The following HTR4 variants were observed in gnomAD, a reference collection of about 807,000 sequenced individuals.
The protein encoded by HTR4 is 5-hydroxytryptamine (serotonin) receptor 4, G protein-coupled.
A neutral mutation model predicts 36.8 loss-of-function variants in HTR4; 16 were observed. That is an observed-to-expected ratio of 0.43 (90% CI 0.29 to 0.66). HTR4 has a LOEUF of 0.66. Ranked by LOEUF, HTR4 falls within the 30% of genes least tolerant of loss-of-function variation. The pLI, the probability that HTR4 is intolerant of heterozygous loss-of-function variation, is 0.13. For synonymous variants in HTR4, 189 were observed against 185.1 expected (o/e 1.02, Z -0.17); for missense variants, 438 against 490.9 (o/e 0.89, Z 1.02).
chr5:148,584,223 G>C (rs1761258617), intron 2 of HTR4, among the ~76,000 whole-genome samples: 1 of 151,994 alleles, frequency 6.6e-6, no homozygotes, highest in Non-Finnish European at 1.5e-5. Flanking sequence ...AGAGATTTTA[G>C]ACTTTATCTA....
At chr5:148,585,699 C>G (rs146394659) in intron 2 of HTR4, among the ~76,000 whole-genome samples, 265 of 152,268 alleles carry the variant, frequency 1.7e-3, no homozygotes, top group African/African-American at 6.0e-3. Flanking sequence ...AAATTCAAGC[C>G]TCTTGACTCC....
chr5:148,640,024 C>T (rs6880544), intron 1 of HTR4, among the ~76,000 whole-genome samples: 64,330 of 151,936 alleles, frequency 0.42, 13,829 homozygotes, highest in East Asian at 0.54. Context: ...CAACCTCCAT[C>T]CTATAGATGA....
chr5:148,461,873 C>T (rs1213607911), intron 5 of HTR4: 1 of 151,964 alleles, frequency 6.6e-6, no homozygotes, highest in Non-Finnish European at 1.5e-5. Flanking sequence ...TAAAACTTAC[C>T]TTAACAAATG....
At chr5:148,560,201 T>TG in intron 2 of HTR4, among the ~76,000 whole-genome samples, 1 of 106,996 alleles carries the variant, frequency 9.3e-6, no homozygotes, top group East Asian at 2.9e-4. Flanking sequence ...GAAAGCTTTT[T>TG]TTTTAAAAAA....
downstream of HTR4, among the ~76,000 whole-genome samples, chr5:148,474,759 T>C (rs868592454): frequency 6.6e-6 from 1 of 152,176 alleles, no homozygotes; most frequent in Non-Finnish European, 1.5e-5. Flanking sequence ...TCTAGGTTTG[T>C]AGCCTGGCTC....
At chr5:148,513,523 A>G (rs1441875245) in intron 5 of HTR4, among the ~76,000 whole-genome samples, 1 of 152,162 alleles carries the variant, frequency 6.6e-6, no homozygotes, top group Admixed American at 6.5e-5. Flanking sequence ...GTACTGCTTT[A>G]ACTTCTATAA....
chr5:148,572,442 A>G (rs777064048), intron 2 of HTR4, among the ~76,000 whole-genome samples: 5 of 152,132 alleles, frequency 3.3e-5, no homozygotes, highest in Non-Finnish European at 7.4e-5. Context: ...AGACAAATGT[A>G]ATAATATTTT....
chr5:148,551,568 C>G (rs959038278), intron 2 of HTR4, among the ~76,000 whole-genome samples: 9 of 152,064 alleles, frequency 5.9e-5, no homozygotes, highest in Non-Finnish European at 1.3e-4. Flanking sequence ...TATTCAGAAG[C>G]TATAGGGATT....
In HTR4 at chr5:148,482,010, G is replaced by T; in HGVS notation, c.*1193C>A. ...TTAGAAACAGAAAGAAAACTTAAAG[G>T]TCCTCTAGTCCAAGCTTGAGTGCAC... On this transcript the variant is annotated 3_prime_UTR_variant, in exon 7 of 7. Coordinates refer to ENST00000377888, the MANE Select transcript of HTR4 (RefSeq NM_000870.7). The T allele has an allele frequency of 1.0e-6, 1 of 997,428 alleles. No homozygotes were observed. The allele number at this position is 997,428 out of a possible 1,614,324, so 61.8% of individuals were successfully genotyped here.
intron 5 of HTR4, chr5:148,465,773 G>A: frequency 2.6e-6 from 4 of 1,541,656 alleles, no homozygotes; most frequent in Non-Finnish European, 3.5e-6. Flanking sequence ...AGTATAAACA[G>A]ACACTTAAGG....
At chr5:148,562,546 G>C (rs1406046851) in intron 2 of HTR4, among the ~76,000 whole-genome samples, 1 of 152,040 alleles carries the variant, frequency 6.6e-6, no homozygotes, top group Non-Finnish European at 1.5e-5. Context: ...TCTCCAATCT[G>C]CTGTCAATAC....
intron 5 of HTR4, among the ~76,000 whole-genome samples, chr5:148,513,792 A>C (rs1313503102): frequency 6.6e-6 from 1 of 152,162 alleles, no homozygotes. Context: ...TATTTCAATA[A>C]TACTTTTTAA....
At chr5:148,588,041 G>C (rs774588749) in intron 2 of HTR4, among the ~76,000 whole-genome samples, 2 of 152,034 alleles carry the variant, frequency 1.3e-5, no homozygotes, top group Non-Finnish European at 2.9e-5. Context: ...ACCTCTGAAG[G>C]AATTTTAACC....
At chr5:148,578,408 T>A (rs535149449) in intron 2 of HTR4, among the ~76,000 whole-genome samples, 1 of 152,082 alleles carries the variant, frequency 6.6e-6, no homozygotes, top group Non-Finnish European at 1.5e-5. Flanking sequence ...CTACTGTTAG[T>A]TATTAGTTCT....
At chr5:148,586,949 T>C (rs888776822) in intron 2 of HTR4, among the ~76,000 whole-genome samples, 5 of 152,144 alleles carry the variant, frequency 3.3e-5, no homozygotes, top group African/African-American at 1.2e-4. Flanking sequence ...CTTTTTCTTT[T>C]ATCTGGGGCT....
chr5:148,463,095 A>G (rs1275160133), intron 5 of HTR4, among the ~76,000 whole-genome samples: 1 of 151,788 alleles, frequency 6.6e-6, no homozygotes, highest in Non-Finnish European at 1.5e-5. Context: ...CCCTAAGATC[A>G]GAAAGAAGTC....
At chr5:148,458,466 A>G (rs1413107076) in intron 5 of HTR4, among the ~76,000 whole-genome samples, 1 of 152,118 alleles carries the variant, frequency 6.6e-6, no homozygotes, top group Admixed American at 6.6e-5. Context: ...GTGAGAGACC[A>G]CAGCCAGCTA....
intron 6 of HTR4, chr5:148,484,167 A>G (rs1581362413): frequency 7.5e-6 from 10 of 1,342,226 alleles, no homozygotes; most frequent in South Asian, 6.8e-5. Flanking sequence ...ATAATCTACA[A>G]TGGTAGATAT....
intron 5 of HTR4, among the ~76,000 whole-genome samples, chr5:148,465,293 A>T (rs1656460141): frequency 6.6e-6 from 1 of 152,212 alleles, no homozygotes; most frequent in African/African-American, 2.4e-5. Flanking sequence ...CCACTCTGGA[A>T]GAGGATATTG....
Sources: allele counts gnomAD v4.1 joint callset (sites outside exome capture counted in the v4.1 genomes callset), GRCh38; gene constraint gnomAD v4.1.1; transcripts MANE v1.5; gene names NCBI Gene and HGNC (gene_info 2026-07-23, HGNC 2026-07-21).